Variants in PDE1A observed in about 807,000 individuals in gnomAD.
PDE1A encodes the protein dual specificity calcium/calmodulin-dependent 3',5'-cyclic nucleotide phosphodiesterase 1A.
Under a neutral mutation model 61.7 loss-of-function variants are expected in PDE1A, and 35 were observed. The observed-to-expected ratio is 0.57, with a 90% confidence interval of 0.43 to 0.75. The LOEUF is 0.75. Ranked by LOEUF, PDE1A falls within the 30% of genes least tolerant of loss-of-function variation. PDE1A has a pLI of 0.00. For missense variants in PDE1A, 597 were observed against 630.6 expected (o/e 0.95, Z 0.57); for synonymous variants, 232 against 213.2 (o/e 1.09, Z -0.77).
chr2:182,659,018 T>G, the PDE1A span, among the ~76,000 whole-genome samples: 7 of 152,158 alleles, frequency 4.6e-5, no homozygotes, highest in Admixed American at 3.9e-4. Flanking sequence ...TACTACACTC[T>G]TTTTACCTAT....
At chr2:182,464,528 T>C (rs1686525734) in intron 2 of PDE1A, among the ~76,000 whole-genome samples, 2 of 152,172 alleles carry the variant, frequency 1.3e-5, no homozygotes, top group African/African-American at 4.8e-5. Context: ...CTCTTATTTC[T>C]ATTCTATAGC....
chr2:182,527,327 AATATATATATATATATATATATATAT>A (rs201755672), upstream of PDE1A, among the ~76,000 whole-genome samples: 2 of 20,714 alleles, frequency 9.7e-5, no homozygotes, highest in Non-Finnish European at 7.8e-5. Context: ...AAAAAAAAAA[AATATATATATATATATATATATATAT>A]ATATATATAT....
chr2:182,240,296 CA>C lies in PDE1A; in HGVS notation c.168-5del. The C allele has an allele frequency of 1.3e-6, 2 of 1,520,898 alleles. No individual in the cohort carries two copies. Among genetic ancestry groups the C allele is most frequent in the Non-Finnish European group, 1.8e-6 (2 of 1,136,146 alleles). The allele number at this position is 1,520,898 out of a possible 1,614,324, so 94.2% of individuals were successfully genotyped here. A position where few individuals can be genotyped will look rare whatever the true frequency, so the allele number is the denominator to read the frequency against. On this transcript the variant is annotated splice_region_variant and splice_polypyrimidine_tract_variant and intron_variant, in intron 2 of 13. Transcript: ENST00000351439. The stretch of plus-strand genomic sequence containing the variant: ...ATCTTCAGTATCCAGAAGTCTTCTA[CA>C]AAAATTTATACAGATTAAACTTTTT...
rs1340041802 is a variant in PDE1A, at chr2:182,240,565, G to C, written c.168-273C>G. On this transcript the variant is annotated intron_variant, in intron 2 of 13. Transcript: ENST00000351439. ...AATGATACACCAGTCTAGAGGTACC[G>C]ACTGTTAATATCTTTAGTGTGCTAT... 6.6e-5 allele frequency among the ~76,000 whole-genome samples: 10 copies of C among 152,160 alleles called. No individual in the cohort carries two copies. In the East Asian group the frequency reaches 1.7e-3, roughly 26 times the overall value.
chr2:182,372,815 G>A (rs958947361), intron 1 of PDE1A, among the ~76,000 whole-genome samples: 9 of 152,310 alleles, frequency 5.9e-5, no homozygotes, highest in Admixed American at 2.6e-4. Flanking sequence ...AAGTGTTCCC[G>A]TAGGAGAAAA....
chr2:182,599,011 A>G, the PDE1A span, among the ~76,000 whole-genome samples: 10 of 152,178 alleles, frequency 6.6e-5, no homozygotes, highest in Non-Finnish European at 1.3e-4. Flanking sequence ...GCAGAGAAAC[A>G]CGGCTGGGGC....
At chr2:182,641,582 T>C in the PDE1A span, among the ~76,000 whole-genome samples, 1 of 152,196 alleles carries the variant, frequency 6.6e-6, no homozygotes, top group Non-Finnish European at 1.5e-5. Flanking sequence ...ATCATTATGA[T>C]GAAAAAGAAG....
At chr2:182,350,967 T>C (rs1193825044) in intron 1 of PDE1A, among the ~76,000 whole-genome samples, 1 of 152,256 alleles carries the variant, frequency 6.6e-6, no homozygotes, top group Admixed American at 6.5e-5. Context: ...GTAACTTTTA[T>C]AGCTTCTCTT....
At chr2:182,317,616 A>G (rs1299937044) in intron 1 of PDE1A, among the ~76,000 whole-genome samples, 1 of 151,930 alleles carries the variant, frequency 6.6e-6, no homozygotes, top group Non-Finnish European at 1.5e-5. Flanking sequence ...ATGTGTCCGA[A>G]AGCCTGAAGG....
At chr2:182,388,677 A>T (rs1259160608) in intron 1 of PDE1A, among the ~76,000 whole-genome samples, 1 of 152,112 alleles carries the variant, frequency 6.6e-6, no homozygotes, top group East Asian at 1.9e-4. Flanking sequence ...TTATAAGAGG[A>T]AAGTGTACAG....
chr2:182,623,156 G>C, the PDE1A span, among the ~76,000 whole-genome samples: 39 of 152,092 alleles, frequency 2.6e-4, no homozygotes, highest in African/African-American at 9.2e-4. Context: ...AGAAGAAGGA[G>C]GAAAAGATAT....
At chr2:182,185,939 T>A in exon 13 of PDE1A, 1 of 1,614,072 alleles carries the variant, frequency 6.2e-7, no homozygotes, top group Non-Finnish European at 8.5e-7. Flanking sequence ...CTGAATGATG[T>A]CCACCAGGTT....
At chr2:182,502,880 GTGA>G (rs1474931274) in intron 2 of PDE1A, among the ~76,000 whole-genome samples, 1 of 152,094 alleles carries the variant, frequency 6.6e-6, no homozygotes, top group Non-Finnish European at 1.5e-5. Context: ...CTGGGAATAT[GTGA>G]TGATTTTTGA....
intron 1 of PDE1A, among the ~76,000 whole-genome samples, chr2:182,347,884 T>C (rs375380121): frequency 1.2e-4 from 19 of 152,024 alleles, no homozygotes; most frequent in East Asian, 7.7e-4. Flanking sequence ...TTAAAAAGGG[T>C]TTATGCTAGT....
the PDE1A span, among the ~76,000 whole-genome samples, chr2:182,565,576 A>C: frequency 6.6e-6 from 1 of 152,116 alleles, no homozygotes; most frequent in East Asian, 1.9e-4. Flanking sequence ...CACAGAATCA[A>C]AGAGTCCTAC....
chr2:182,447,011 T>G (rs1316034486), intron 2 of PDE1A, among the ~76,000 whole-genome samples: 1 of 151,940 alleles, frequency 6.6e-6, no homozygotes, highest in African/African-American at 2.4e-5. Flanking sequence ...TCTTTTGTTT[T>G]GTCATTTTAA....
chr2:182,457,864 G>A (rs1559481915), intron 2 of PDE1A, among the ~76,000 whole-genome samples: 1 of 151,916 alleles, frequency 6.6e-6, no homozygotes, highest in Non-Finnish European at 1.5e-5. Context: ...GAATAGGTTT[G>A]GTTTAATGAA....
the PDE1A span, among the ~76,000 whole-genome samples, chr2:182,598,614 G>A: frequency 6.0e-5 from 9 of 150,614 alleles, no homozygotes; most frequent in African/African-American, 9.8e-5. Context: ...CTGCTTTCAC[G>A]CTCTCCCTTT....
At chr2:182,601,277 G>C in the PDE1A span, among the ~76,000 whole-genome samples, 3 of 152,226 alleles carry the variant, frequency 2.0e-5, no homozygotes, top group Non-Finnish European at 4.4e-5. Context: ...TCCAGGTGCT[G>C]ACACAGGTGC....
Sources: gnomAD v4.1 joint callset for allele counts (sites outside exome capture counted in the v4.1 genomes callset) on GRCh38, gnomAD v4.1.1 for gene constraint, MANE v1.5 for transcripts, NCBI Gene and HGNC (gene_info 2026-07-23, HGNC 2026-07-21) for gene names.